Variants in SYNE2 observed in about 807,000 individuals in gnomAD.
SYNE2 encodes the protein nesprin-2.
SYNE2 carries 431 observed loss-of-function variants against 856.3 expected under a neutral mutation model. The observed-to-expected ratio is 0.50, with a 90% CI of 0.47 to 0.55. The LOEUF is 0.55. Ranked by LOEUF, SYNE2 falls within the 20% of genes least tolerant of loss-of-function variation. The pLI is 0.00. For missense variants in SYNE2, 8,129 were observed against 8,023.2 expected (o/e 1.01, Z -0.50); for synonymous variants, 2,923 against 2,872.3 (o/e 1.02, Z -0.56).
At chr14:63,939,574 T>C (rs2095877447) in intron 2 of SYNE2, among the ~76,000 whole-genome samples, 1 of 151,590 alleles carries the variant, frequency 6.6e-6, no homozygotes, top group Admixed American at 6.6e-5. Context: ...TCTTGAACTC[T>C]TGACCTCAGG....
At chr14:64,209,684 G>T in intron 102 of SYNE2, 106 bp downstream of exon 102, 1 of 1,513,442 alleles carries the variant, frequency 6.6e-7, no homozygotes, top group Admixed American at 1.9e-5. Context: ...CCTCACCTCT[G>T]GCAAGGGCTG....
intron 98 of SYNE2, chr14:64,189,020 G>T (rs1486876438): frequency 2.8e-6 from 2 of 701,954 alleles, no homozygotes; most frequent in East Asian, 5.4e-5. Context: ...GTGAGTTAGG[G>T]TTTCTCTAGT....
intron 1 of SYNE2, among the ~76,000 whole-genome samples, chr14:63,866,755 C>G (rs1230242971): frequency 6.6e-6 from 1 of 151,932 alleles, no homozygotes; most frequent in Non-Finnish European, 1.5e-5. Context: ...GAGAATCACT[C>G]GAGCCCAGGA....
chr14:63,797,678 G>A (rs537982604), intron 1 of SYNE2, among the ~76,000 whole-genome samples: 7 of 152,350 alleles, frequency 4.6e-5, no homozygotes, highest in Middle Eastern at 3.4e-3. Context: ...CTGACCACAA[G>A]TGATCCACCC....
At position 64,007,270 on chromosome 14, in the gene SYNE2, C is replaced by T. The variant is rs187004058; in HGVS notation, c.4577+48C>T. 1.3e-4 allele frequency: 198 copies of T among 1,566,912 alleles called. 2 individuals are homozygous for T. In the East Asian group the frequency reaches 4.0e-3, roughly 32 times the overall value. ...CTTGAATCTGAAAAATTGTCTGTAGCACAATTAACTTTTTCAAACTTCTGG... is the reference window on the plus strand; with the variant it reads ...CTTGAATCTGAAAAATTGTCTGTAGTACAATTAACTTTTTCAAACTTCTGG... On this transcript the variant is annotated intron_variant, in intron 31 of 115. Coordinates refer to ENST00000555002, the MANE Select transcript of SYNE2 (RefSeq NM_182914.3).
intron 107 of SYNE2, chr14:64,216,035 G>C: frequency 6.8e-7 from 1 of 1,466,108 alleles, no homozygotes; most frequent in South Asian, 1.4e-5. Flanking sequence ...CATGTTGGTC[G>C]TGCTCCGTTG....
intron 46 of SYNE2, chr14:64,048,366 CTTCT>C (rs1391189734): frequency 5.2e-6 from 2 of 387,500 alleles, no homozygotes; most frequent in Middle Eastern, 7.2e-4. Flanking sequence ...GGACATTAGT[CTTCT>C]TTCTATTTCA....
chr14:64,225,455 A>G lies in SYNE2; in HGVS notation c.20653A>G (p.Thr6885Ala). 1 of 1,614,096 alleles carries G rather than the reference A, an allele frequency of 6.2e-7. No homozygotes were observed. The highest frequency in any genetic ancestry group is 1.3e-5 in the African/African-American group (1 of 75,018). Residue 6885 changes from threonine to alanine, a missense_variant, in exon 116 of 116, where the codon ACT becomes GCT. Physicochemically the swap from Thr to Ala is moderately conservative, Grantham distance 58. Transcript: ENST00000555002. ...CTCCTCCGAAGAAGACTACAGCTGC[A>G]CTCAGGCCAACAACTTTGCCCGGTC... ...LPSSEEDYSCTQANNFARSFY... is the reference protein window; with the variant it reads ...LPSSEEDYSCAQANNFARSFY...
chr14:63,811,425 T>G (rs1888610657), intron 1 of SYNE2, among the ~76,000 whole-genome samples: 1 of 152,068 alleles, frequency 6.6e-6, no homozygotes, highest in Non-Finnish European at 1.5e-5. Flanking sequence ...TGGCTAAATT[T>G]TTTTTGTACT....
At position 64,024,383 on chromosome 14, in the gene SYNE2, T is replaced by C; in HGVS notation, c.5764T>C (p.Phe1922Leu). 6 of 1,614,094 alleles carry C rather than the reference T, an allele frequency of 3.7e-6. No homozygotes were observed. The highest frequency in any genetic ancestry group is 5.1e-6 in the Non-Finnish European group (6 of 1,179,996). The change falls in exon 39 of 116, where the codon TTC (phenylalanine) becomes CTC (leucine). Residue 1922 changes from phenylalanine to leucine, a missense_variant. By Grantham distance (22) the Phe-to-Leu change is conservative. Transcript: ENST00000555002. Reference protein sequence around the residue: ...ELISWLVGQEFELEKMESICQ... With the variant: ...ELISWLVGQELELEKMESICQ... ...TATCAGTTGGCTCGTGGGTCAGGAA[T>C]TCGAATTAGAAAAAATGGAGTCCAT...
rs34198434 is a variant in SYNE2, at chr14:63,959,287, CTTTTTTTTTTTTT to C, written c.788-2224_788-2212del. Reference sequence around the variant, plus strand: ...CCATATTCTTTTTTCTTTTCTTCTTCTTTTTTTTTTTTTTTTTTTTTTTTTTGAGATGGAGTCT... The same window carrying C: ...CCATATTCTTTTTTCTTTTCTTCTTCTTTTTTTTTTTTTGAGATGGAGTCT... On this transcript the variant is annotated intron_variant, in intron 8 of 115. Coordinates refer to ENST00000555002, the MANE Select transcript of SYNE2 (RefSeq NM_182914.3). Among the ~76,000 whole-genome samples the C allele has an allele frequency of 5.0e-4, 41 of 81,376 alleles. 1 individual carries two copies. The South Asian group carries it at 0.013, about 26-fold the overall frequency. The allele number at this position is 81,376 out of a possible 152,430, so 53.4% of individuals were successfully genotyped here. A position where few individuals can be genotyped will look rare whatever the true frequency, so the allele number is the denominator to read the frequency against.
Position 64,014,928 on chromosome 14 carries a change from CTTATATATATAT to C in SYNE2, c.4729-1544_4729-1533del, listed in dbSNP as rs1379650708. 9.1e-4 allele frequency among the ~76,000 whole-genome samples: 47 copies of C among 51,852 alleles called. No homozygotes were observed. In the East Asian group the frequency reaches 0.025, roughly 27 times the overall value. The allele number at this position is 51,852 out of a possible 152,430, so 34.0% of individuals were successfully genotyped here. Reference sequence around the variant, plus strand: ...CTTATTTGGTCATGGTGTATAATTCCTTATATATATATATATATATATATATATATATATATA... The same window carrying C: ...CTTATTTGGTCATGGTGTATAATTCCATATATATATATATATATATATATA... On this transcript the variant is annotated intron_variant, in intron 32 of 115. Coordinates refer to ENST00000555002, the MANE Select transcript of SYNE2 (RefSeq NM_182914.3).
rs749317592 is a variant in SYNE2, at chr14:64,130,104, C to G, written c.14196C>G (p.Ser4732Arg). 5.6e-6 allele frequency: 9 copies of G among 1,614,178 alleles called. No individual in the cohort carries two copies. The highest frequency in any genetic ancestry group is 1.7e-5 in the Admixed American group (1 of 60,026). The change falls in exon 76 of 116, where the codon AGC becomes AGG. Residue 4732 changes from serine (S) to arginine (R), a missense_variant. By Grantham distance (110) the Ser-to-Arg change is moderately radical. Coordinates refer to ENST00000555002, the MANE Select transcript of SYNE2 (RefSeq NM_182914.3). ...GAGCCAGGTACACAGAACTCAGCAG[C>G]CCTTTCGTCACTGAGAGCCAGCAAG... ...MLRARYTELS[S>R]PFVTESQQDA...
At chr14:64,090,683 C>A (rs911164545) in intron 59 of SYNE2, among the ~76,000 whole-genome samples, 183 bp from the exon 60 acceptor site, 1 of 152,196 alleles carries the variant, frequency 6.6e-6, no homozygotes, top group Non-Finnish European at 1.5e-5. Flanking sequence ...CCCAGTTATT[C>A]TTTCCTGAGA....
chr14:63,978,860 A>G lies in SYNE2; in HGVS notation c.1415A>G (p.Asn472Ser). The change falls in exon 14 of 116, where the codon AAC becomes AGC. Residue 472 changes from asparagine (N) to serine (S), a missense_variant. Asn to Ser is a conservative substitution (Grantham distance 46, BLOSUM62 1). Transcript: ENST00000555002. ...KLEEMKRRIN[N>S]ILEKKFILLL... is the part of the protein sequence containing the mutation. ...CCTGCACTGTTTTCCAGAATCAACA[A>G]CATTTTGGAGAAAAAATTTATTCTA... The G allele has an allele frequency of 1.2e-6, 2 of 1,612,506 alleles. No individual in the cohort carries two copies. Among genetic ancestry groups the G allele is most frequent in the Non-Finnish European group, 1.7e-6 (2 of 1,178,998 alleles).
chr14:63,960,132 A>G (rs1287434010), intron 8 of SYNE2, among the ~76,000 whole-genome samples: 1 of 152,242 alleles, frequency 6.6e-6, no homozygotes, highest in Non-Finnish European at 1.5e-5. Flanking sequence ...AAATAAGCCA[A>G]TATCATTATT....
Position 64,010,132 on chromosome 14 carries a change from A to C in SYNE2, c.4728+16A>C. Reference sequence around the variant, plus strand: ...GATAGCAGAGGTGAGTCCAGGTTCCATTAGAAAAAACTGCCCAGTGACCTC... The same window carrying C: ...GATAGCAGAGGTGAGTCCAGGTTCCCTTAGAAAAAACTGCCCAGTGACCTC... On this transcript the variant is annotated intron_variant, in intron 32 of 115. Transcript: ENST00000555002. 6.2e-7 allele frequency: 1 copy of C among 1,605,292 alleles called. No homozygotes were observed. Among genetic ancestry groups the C allele is most frequent in the Non-Finnish European group, 8.5e-7 (1 of 1,175,220 alleles).
At position 64,006,998 on chromosome 14, in the gene SYNE2, TG is replaced by T. The variant is rs755076269; in HGVS notation, c.4398-43del. On this transcript the variant is annotated intron_variant, in intron 30 of 115. Transcript: ENST00000555002. ...GTTACCCATATTTGTGTTGAATCAA[TG>T]GTTAACAGTTGGCTATCAAACTTTT... 7.4e-6 allele frequency: 11 copies of T among 1,481,438 alleles called. No individual in the cohort carries two copies. The African/African-American group carries it at 1.5e-4, about 21-fold the overall frequency. 91.8% of individuals were successfully genotyped at this position (1,481,438 alleles called of 1,614,324 possible). A position where few individuals can be genotyped will look rare whatever the true frequency, so the allele number is the denominator to read the frequency against.
intron 1 of SYNE2, among the ~76,000 whole-genome samples, chr14:63,770,007 G>A (rs117876120): frequency 3.7e-4 from 57 of 152,106 alleles, no homozygotes; most frequent in Non-Finnish European, 6.3e-4. Context: ...CTTGACCTCC[G>A]CGGACAAGCA....
Sources: allele counts gnomAD v4.1 joint callset (sites outside exome capture counted in the v4.1 genomes callset), GRCh38; gene constraint gnomAD v4.1.1; transcripts MANE v1.5; gene names NCBI Gene and HGNC (gene_info 2026-07-23, HGNC 2026-07-21).